The following NEURL1B variants were observed in gnomAD, a reference collection of about 807,000 sequenced individuals.
NEURL1B encodes the protein E3 ubiquitin-protein ligase NEURL1B.
NEURL1B carries 13 observed loss-of-function variants against 37.4 expected under a neutral mutation model. The observed-to-expected ratio is 0.35, with a 90% CI of 0.23 to 0.55. The LOEUF (loss-of-function observed/expected upper bound fraction) is 0.55. NEURL1B is among the 20% of genes least tolerant of loss of function. The pLI, the probability that NEURL1B is intolerant of heterozygous loss-of-function variation, is 0.89. For missense variants in NEURL1B, 790 were observed against 879.2 expected (o/e 0.90, Z 1.28); for synonymous variants, 432 against 426.6 (o/e 1.01, Z -0.16).
chr5:172,643,126 A>G (rs73317228), intron 1 of NEURL1B, among the ~76,000 whole-genome samples: 11,708 of 152,202 alleles, frequency 0.077, 1,149 homozygotes, highest in African/African-American at 0.23. Context: ...CTCTCTGTGG[A>G]CTGGGCCACC....
intron 1 of NEURL1B, among the ~76,000 whole-genome samples, chr5:172,667,454 AAAG>A (rs1394797313): frequency 6.6e-6 from 1 of 151,642 alleles, no homozygotes; most frequent in Admixed American, 6.6e-5. Context: ...TCAAAAAAAA[AAAG>A]AAAAGATCCA....
Position 172,676,181 on chromosome 5 carries a change from A to G in NEURL1B, c.577+5851A>G, listed in dbSNP as rs1454053316. Among the ~76,000 whole-genome samples the G allele has an allele frequency of 6.6e-6, 1 of 152,106 alleles. No homozygotes were observed. The highest frequency in any genetic ancestry group is 1.5e-5 in the Non-Finnish European group (1 of 68,002). On this transcript the variant is annotated intron_variant, in intron 2 of 4. Transcript: ENST00000369800. The surrounding 1 kb of genome is among the most constrained non-coding windows in gnomAD (Gnocchi z 4.5). ...AAAAAAAAAAAAAGAGGAAGCATTA[A>G]TGTCTCATGTGGCTGAAAATTCCTG...
In NEURL1B at chr5:172,683,855, G is replaced by C. The variant is rs1327760937; in HGVS notation, c.1014G>C (p.Leu338=). The change falls in exon 3 of 5, where the codon CTG becomes CTC. Residue 338 remains leucine (L), a synonymous_variant. Transcript: ENST00000369800. This position sits in a 1 kb window ranked among gnomAD's most constrained non-coding sequence, Gnocchi z 5.6. The part of the protein sequence containing the change: ...GRPGLAAPGA[L]AFGITSCDPG... Reference sequence around the variant, plus strand: ...CGGGGCTGGCGGCGCCCGGCGCGCTGGCCTTCGGCATCACGTCGTGCGACC... The same window carrying C: ...CGGGGCTGGCGGCGCCCGGCGCGCTCGCCTTCGGCATCACGTCGTGCGACC... 2.9e-5 allele frequency: 40 copies of C among 1,362,200 alleles called. No homozygotes were observed. Among genetic ancestry groups the C allele is most frequent in the Non-Finnish European group, 3.7e-5 (39 of 1,053,426 alleles). 84.4% of individuals were successfully genotyped at this position (1,362,200 alleles called of 1,614,324 possible).
At chr5:172,655,646 C>T (rs1161040976) in intron 1 of NEURL1B, among the ~76,000 whole-genome samples, 4 of 152,122 alleles carry the variant, frequency 2.6e-5, no homozygotes, top group South Asian at 2.1e-4. Context: ...CCGGCTTCCA[C>T]GGCTGCTGCT....
Position 172,671,645 on chromosome 5 carries a change from T to C in NEURL1B, c.577+1315T>C, listed in dbSNP as rs563333388. On this transcript the variant is annotated intron_variant, in intron 2 of 4. Transcript: ENST00000369800. ...TCCTGTATCAGTAGTTCGTTCCTTT[T>C]TATTGCTAAGTATGCTAAGTAGTAG... Among the ~76,000 whole-genome samples the C allele has an allele frequency of 4.5e-4, 69 of 152,382 alleles. No homozygotes were observed. The South Asian group carries it at 5.2e-3, about 11-fold the overall frequency.
At chr5:172,650,184 C>T (rs908616608) in intron 1 of NEURL1B, among the ~76,000 whole-genome samples, 5 of 152,284 alleles carry the variant, frequency 3.3e-5, no homozygotes, top group African/African-American at 4.8e-5. Flanking sequence ...GATGGGTCTG[C>T]GCTGTACTCC....
chr5:172,641,382 C>G lies in NEURL1B; in HGVS notation c.-25C>G. ...CCTCCGCGCGCCCAGAGCGCGCCGCCGCCAACGCCGCGCCCGACGCAGCGA... is the reference window on the plus strand; with the variant it reads ...CCTCCGCGCGCCCAGAGCGCGCCGCGGCCAACGCCGCGCCCGACGCAGCGA... On this transcript the variant is annotated 5_prime_UTR_variant, in exon 1 of 5. Coordinates refer to ENST00000369800, the MANE Select transcript of NEURL1B (RefSeq NM_001142651.3). The surrounding 1 kb of genome is among the most constrained non-coding windows in gnomAD (Gnocchi z 6.4). The G allele has an allele frequency of 7.2e-7, 1 of 1,386,058 alleles. No homozygotes were observed. Among genetic ancestry groups the G allele is most frequent in the Non-Finnish European group, 9.3e-7 (1 of 1,070,246 alleles). 85.9% of individuals were successfully genotyped at this position (1,386,058 alleles called of 1,614,324 possible).
chr5:172,643,442 G>A (rs559626644), intron 1 of NEURL1B, among the ~76,000 whole-genome samples: 8 of 152,226 alleles, frequency 5.3e-5, no homozygotes, highest in East Asian at 3.9e-4. Context: ...TCCAGTTGTC[G>A]TTACCTCCTC....
At chr5:172,655,087 C>T (rs1309401133) in intron 1 of NEURL1B, among the ~76,000 whole-genome samples, 1 of 152,110 alleles carries the variant, frequency 6.6e-6, no homozygotes, top group Non-Finnish European at 1.5e-5. Flanking sequence ...CCTCTCCTTC[C>T]TCTTCACCTA....
chr5:172,673,599 G>GA (rs202137307), intron 2 of NEURL1B, among the ~76,000 whole-genome samples: 2 of 151,506 alleles, frequency 1.3e-5, no homozygotes, highest in African/African-American at 4.8e-5. Flanking sequence ...GATAAACAAG[G>GA]AAAAAAAAGT....
In NEURL1B at chr5:172,669,851, C is replaced by G; in HGVS notation, c.98C>G (p.Pro33Arg). ...PCCGPGPERR[P>R]VLGEAPRFHA... ...TGCGGCCCCGGCCCCGAGCGACGCC[C>G]GGTCCTGGGCGAGGCGCCGCGCTTC... Residue 33 changes from proline (P) to arginine (R), a missense_variant, in exon 2 of 5, where the codon CCG (proline) becomes CGG (arginine). This residue lies in a region of NEURL1B where 215 missense variants were observed against 309.2 expected (regional missense o/e 0.70). Coordinates refer to ENST00000369800, the MANE Select transcript of NEURL1B (RefSeq NM_001142651.3). The G allele has an allele frequency of 7.3e-7, 1 of 1,370,666 alleles. No homozygotes were observed. The highest frequency in any genetic ancestry group is 9.4e-7 in the Non-Finnish European group (1 of 1,059,128). The allele number at this position is 1,370,666 out of a possible 1,614,324, so 84.9% of individuals were successfully genotyped here. A position where few individuals can be genotyped will look rare whatever the true frequency, so the allele number is the denominator to read the frequency against.
At chr5:172,682,905 A>G (rs1758386780) in intron 2 of NEURL1B, among the ~76,000 whole-genome samples, 1 of 152,228 alleles carries the variant, frequency 6.6e-6, no homozygotes, top group Admixed American at 6.5e-5. Context: ...CAGTAACCGT[A>G]CATGCCTCAC....
Position 172,669,800 on chromosome 5 carries a change from C to G in NEURL1B, c.47C>G (p.Ala16Gly). The G allele has an allele frequency of 2.3e-6, 3 of 1,277,084 alleles. No individual in the cohort carries two copies. Among genetic ancestry groups the G allele is most frequent in the Non-Finnish European group, 3.0e-6 (3 of 1,004,282 alleles). 79.1% of individuals were successfully genotyped at this position (1,277,084 alleles called of 1,614,324 possible). Residue 16 changes from alanine (A) to glycine (G), a missense_variant, in exon 2 of 5, where the codon GCG becomes GGG. Physicochemically the swap from Ala to Gly is moderately conservative, Grantham distance 60. This residue lies in a region of NEURL1B where 215 missense variants were observed against 309.2 expected (regional missense o/e 0.70). Coordinates refer to ENST00000369800, the MANE Select transcript of NEURL1B (RefSeq NM_001142651.3). ...CTTTCCGCAGACCCGAGCCCACCGG[C>G]GCGCCTCCTGGCCACCCGGCCGTGC... ...HRTLPDPSPP[A>G]RLLATRPCCG...
chr5:172,686,890 C>A lies in NEURL1B; in HGVS notation c.1633C>A (p.Pro545Thr). The change falls in exon 5 of 5, where the codon CCC becomes ACC. Residue 545 changes from proline (P) to threonine (T), a missense_variant. Around this residue, in one of 3 missense-constraint regions of NEURL1B, gnomAD observed 115 missense variants for 162.6 expected, o/e 0.71. Transcript: ENST00000369800. This position sits in a 1 kb window ranked among gnomAD's most constrained non-coding sequence, Gnocchi z 7.9. ...GGCCTGCTGCCCCATCTGCCGGCGGCCCATCAAGGACGTCATTAAGATCTA... is the reference window on the plus strand; with the variant it reads ...GGCCTGCTGCCCCATCTGCCGGCGGACCATCAAGGACGTCATTAAGATCTA... ...ARACCPICRR[P>T]IKDVIKIYRP The A allele has an allele frequency of 1.9e-6, 3 of 1,550,264 alleles. No individual in the cohort carries two copies. Among genetic ancestry groups the A allele is most frequent in the East Asian group, 2.4e-5 (1 of 40,886 alleles).
intron 1 of NEURL1B, among the ~76,000 whole-genome samples, chr5:172,663,338 T>G (rs1411119278): frequency 6.6e-6 from 1 of 151,558 alleles, no homozygotes; most frequent in Non-Finnish European, 1.5e-5. Flanking sequence ...CTGGCCAATA[T>G]GGTGAAACCC....
At chr5:172,649,946 C>T (rs958696057) in intron 1 of NEURL1B, among the ~76,000 whole-genome samples, 5 of 151,816 alleles carry the variant, frequency 3.3e-5, no homozygotes, top group Non-Finnish European at 5.9e-5. Flanking sequence ...CAGAGCTGGC[C>T]GCTAGCCTCA....
intron 3 of NEURL1B, among the ~76,000 whole-genome samples, 153 bp downstream of exon 3, chr5:172,684,291 G>A (rs1758438780): frequency 6.6e-6 from 1 of 151,486 alleles, no homozygotes; most frequent in Admixed American, 6.6e-5. Flanking sequence ...GCCCGGGCAC[G>A]ATCCACCCCG....
intron 2 of NEURL1B, among the ~76,000 whole-genome samples, chr5:172,679,006 G>T (rs554870443): frequency 1.3e-5 from 2 of 152,356 alleles, no homozygotes; most frequent in African/African-American, 2.4e-5. Flanking sequence ...CAGCCTCCTC[G>T]TACCTGACTG....
chr5:172,664,455 A>G (rs72809910), intron 1 of NEURL1B, among the ~76,000 whole-genome samples: 3,847 of 145,162 alleles, frequency 0.027, 78 homozygotes, highest in South Asian at 0.071. Flanking sequence ...AAAAATGCAG[A>G]GACAGGGAGC....
Sources: allele counts gnomAD v4.1 joint callset (sites outside exome capture counted in the v4.1 genomes callset), GRCh38; gene constraint gnomAD v4.1.1; regional missense constraint gnomAD v4.1.1; non-coding constraint Gnocchi (gnomAD v3.1); transcripts MANE v1.5; gene names NCBI Gene and HGNC (gene_info 2026-07-23, HGNC 2026-07-21).